The following SLC4A8 variants were observed in gnomAD, a reference collection of about 807,000 sequenced individuals.
The protein encoded by SLC4A8 is solute carrier family 4 member 8, also known as electroneutral sodium bicarbonate exchanger 1.
Under a neutral mutation model 125.0 loss-of-function variants are expected in SLC4A8, and 40 were observed. That is an observed-to-expected ratio of 0.32 (90% CI 0.25 to 0.42). The LOEUF (loss-of-function observed/expected upper bound fraction) is 0.42, where lower values mean the gene tolerates loss of function less well. Ranked by LOEUF, SLC4A8 falls within the 10% of genes least tolerant of loss-of-function variation. The probability of loss-of-function intolerance (pLI) is 1.00; values close to 1 mark genes in which losing one functional copy is unlikely to be tolerated. For missense variants in SLC4A8, 863 were observed against 1,355.1 expected (o/e 0.64, Z 5.70); for synonymous variants, 456 against 476.0 (o/e 0.96, Z 0.55).
At position 51,453,661 on chromosome 12, in the gene SLC4A8, T is replaced by A. The variant is rs754481991; in HGVS notation, c.536T>A (p.Leu179His). 1 of 1,614,124 alleles carries A rather than the reference T, an allele frequency of 6.2e-7. No individual in the cohort carries two copies. The highest frequency in any genetic ancestry group is 1.1e-5 in the South Asian group (1 of 91,070). The stretch of plus-strand genomic sequence containing the variant: ...AGCTGCCTTATTAATGGAACAGTCC[T>A]CCTGGATATGCATGCAAATAGCATA... ...LRSCLINGTV[L>H]LDMHANSIEE... is the part of the protein sequence containing the mutation. Residue 179 changes from leucine (L) to histidine (H), a missense_variant, in exon 5 of 25, where the codon CTC becomes CAC. Around this residue, in one of 6 missense-constraint regions of SLC4A8, gnomAD observed 390 missense variants for 634.4 expected, o/e 0.61. Coordinates refer to ENST00000453097, the MANE Select transcript of SLC4A8 (RefSeq NM_001039960.3).
intron 1 of SLC4A8, among the ~76,000 whole-genome samples, chr12:51,406,726 A>C (rs1371552237): frequency 6.6e-6 from 1 of 152,192 alleles, no homozygotes; most frequent in Non-Finnish European, 1.5e-5. Context: ...TCCAGGCCCC[A>C]CGTGCAGCAA....
intron 10 of SLC4A8, 27 bp downstream of exon 10, chr12:51,462,483 G>T: frequency 6.5e-7 from 1 of 1,528,054 alleles, no homozygotes; most frequent in Non-Finnish European, 8.8e-7. Flanking sequence ...AGCCAATGTG[G>T]CTATTGTCAC....
At chr12:51,427,615 G>C (rs1949039458) in intron 1 of SLC4A8, among the ~76,000 whole-genome samples, 1 of 152,156 alleles carries the variant, frequency 6.6e-6, no homozygotes, top group African/African-American at 2.4e-5. Flanking sequence ...TGACTTGGGG[G>C]AGAGACAGTC....
At chr12:51,490,723 G>A (rs1368434033) in intron 19 of SLC4A8, among the ~76,000 whole-genome samples, 4 of 152,126 alleles carry the variant, frequency 2.6e-5, no homozygotes, top group Non-Finnish European at 5.9e-5. Flanking sequence ...TGGGCATTGA[G>A]TCAAGACAAG....
intron 1 of SLC4A8, among the ~76,000 whole-genome samples, chr12:51,395,970 G>A (rs939314518): frequency 1.3e-5 from 2 of 152,210 alleles, no homozygotes; most frequent in Non-Finnish European, 2.9e-5. Flanking sequence ...GAGAGAAACA[G>A]TTAAAGCGAG....
intron 1 of SLC4A8, among the ~76,000 whole-genome samples, chr12:51,393,250 C>T (rs1948192916): frequency 1.3e-5 from 2 of 152,244 alleles, no homozygotes; most frequent in Middle Eastern, 6.8e-3. Context: ...CAGATGCATG[C>T]CACCATGCCC....
chr12:51,450,982 A>T lies in SLC4A8; in HGVS notation c.237A>T (p.Gly79=). ...QKHRRRGRGK[G]ASQGEEGLEA... ...ACCGGAGACGAGGGCGGGGCAAAGG[A>T]GCCAGCCAGGGGGAGGAAGGCCTGG... Residue 79 remains glycine (G), a synonymous_variant, in exon 3 of 25, where the codon GGA becomes GGT. Coordinates refer to ENST00000453097, the MANE Select transcript of SLC4A8 (RefSeq NM_001039960.3). 6.4e-7 allele frequency: 1 copy of T among 1,574,468 alleles called. No homozygotes were observed. Among genetic ancestry groups the T allele is most frequent in the Non-Finnish European group, 8.6e-7 (1 of 1,158,174 alleles).
upstream of SLC4A8, among the ~76,000 whole-genome samples, chr12:51,420,533 GAACA>G: frequency 6.6e-6 from 1 of 152,270 alleles, no homozygotes; most frequent in Non-Finnish European, 1.5e-5. Flanking sequence ...AGAAGTCTAT[GAACA>G]CATCCTTACA....
intron 24 of SLC4A8, among the ~76,000 whole-genome samples, chr12:51,506,605 T>C (rs1938183287): frequency 6.6e-6 from 1 of 152,148 alleles, no homozygotes; most frequent in African/African-American, 2.4e-5. Flanking sequence ...CAGATAACTT[T>C]TGCATTTTTA....
At chr12:51,394,784 G>A (rs958636502) in intron 1 of SLC4A8, among the ~76,000 whole-genome samples, 3 of 152,140 alleles carry the variant, frequency 2.0e-5, no homozygotes, top group Non-Finnish European at 4.4e-5. Flanking sequence ...CCAAACCCTC[G>A]CAACATGCAA....
Position 51,450,987 on chromosome 12 carries a change from G to A in SLC4A8, c.242G>A (p.Ser81Asn). The change falls in exon 3 of 25, where the codon AGC becomes AAC. Residue 81 changes from serine (S) to asparagine (N), a missense_variant. Ser to Asn is a conservative substitution (Grantham distance 46, BLOSUM62 1). This residue lies in a region of SLC4A8 where 104 missense variants were observed against 116.4 expected (regional missense o/e 0.89). Coordinates refer to ENST00000453097, the MANE Select transcript of SLC4A8 (RefSeq NM_001039960.3). Reference sequence around the variant, plus strand: ...AGACGAGGGCGGGGCAAAGGAGCCAGCCAGGGGGAGGAAGGCCTGGAAGCC... The same window carrying A: ...AGACGAGGGCGGGGCAAAGGAGCCAACCAGGGGGAGGAAGGCCTGGAAGCC... ...HRRRGRGKGA[S>N]QGEEGLEALA... The A allele has an allele frequency of 6.4e-7, 1 of 1,564,560 alleles. No homozygotes were observed. Among genetic ancestry groups the A allele is most frequent in the Non-Finnish European group, 8.7e-7 (1 of 1,153,008 alleles).
intron 19 of SLC4A8, among the ~76,000 whole-genome samples, chr12:51,491,327 A>C (rs1951312271): frequency 2.0e-5 from 3 of 152,226 alleles, no homozygotes; most frequent in Admixed American, 1.3e-4. Flanking sequence ...ACGACGTAAA[A>C]GAGAAGTGGG....
intron 8 of SLC4A8, 93 bp from the exon 9 acceptor site, chr12:51,461,111 G>A (rs563904391): frequency 1.0e-5 from 6 of 581,044 alleles, no homozygotes; most frequent in African/African-American, 3.8e-5. Context: ...ATTTATGTAC[G>A]ATAAGAGAGA....
intron 2 of SLC4A8, among the ~76,000 whole-genome samples, chr12:51,444,209 C>T (rs1949695453): frequency 6.6e-6 from 1 of 152,088 alleles, no homozygotes; most frequent in African/African-American, 2.4e-5. Flanking sequence ...ACTGGGTGGC[C>T]AGAATCCAGT....
In SLC4A8 at chr12:51,504,214, G is replaced by C. The variant is rs1938066955; in HGVS notation, c.3173+94G>C. The C allele has an allele frequency of 4.0e-6, 3 of 745,486 alleles. No individual in the cohort carries two copies. The East Asian group carries it at 8.1e-5, about 20-fold the overall frequency. 46.2% of individuals were successfully genotyped at this position (745,486 alleles called of 1,614,324 possible). ...GGTGGTGTCACAAGTGCAGCTGCTG[G>C]CATAAAGAGCTAAATATTCAGCCTC... On this transcript the variant is annotated intron_variant, in intron 23 of 24. Coordinates refer to ENST00000453097, the MANE Select transcript of SLC4A8 (RefSeq NM_001039960.3).
intron 6 of SLC4A8, among the ~76,000 whole-genome samples, chr12:51,458,149 C>T (rs1417566006): frequency 2.0e-5 from 3 of 152,168 alleles, no homozygotes; most frequent in Admixed American, 2.0e-4. Flanking sequence ...TGATTGGTTC[C>T]TTTTCCTGTG....
At chr12:51,468,031 A>G (rs760625932) in intron 11 of SLC4A8, among the ~76,000 whole-genome samples, 3 of 152,210 alleles carry the variant, frequency 2.0e-5, no homozygotes, top group Non-Finnish European at 4.4e-5. Flanking sequence ...TTTGGTTATT[A>G]TGTTCCCATT....
intron 16 of SLC4A8, among the ~76,000 whole-genome samples, chr12:51,483,883 C>T (rs146538445): frequency 0.014 from 2,124 of 152,172 alleles, 54 homozygotes; most frequent in African/African-American, 0.048. Context: ...TGTTATCCCT[C>T]CCTGCTCCCC....
chr12:51,397,345 A>G (rs1948284120), intron 1 of SLC4A8, among the ~76,000 whole-genome samples: 1 of 152,216 alleles, frequency 6.6e-6, no homozygotes, highest in Non-Finnish European at 1.5e-5. Flanking sequence ...TGAAAATATG[A>G]CTAATGAGTT....
Sources: gnomAD v4.1 joint callset for allele counts (sites outside exome capture counted in the v4.1 genomes callset) on GRCh38, gnomAD v4.1.1 for gene constraint, gnomAD v4.1.1 regional missense constraint, MANE v1.5 for transcripts, NCBI Gene and HGNC (gene_info 2026-07-23, HGNC 2026-07-21) for gene names.